Variants in MICAL3 observed in about 807,000 individuals in gnomAD.
MICAL3 encodes [F-actin]-monooxygenase MICAL3.
A neutral mutation model predicts 207.4 loss-of-function variants in MICAL3; 62 were observed. That is an observed-to-expected ratio of 0.30 (90% CI 0.24 to 0.37). The LOEUF is 0.37. Ranked by LOEUF, MICAL3 falls within the 10% of genes least tolerant of loss-of-function variation. The pLI, the probability that MICAL3 is intolerant of heterozygous loss-of-function variation, is 1.00. For synonymous variants in MICAL3, 1,077 were observed against 1,069.3 expected (o/e 1.01, Z -0.14); for missense variants, 2,368 against 2,635.6 (o/e 0.90, Z 2.22).
At chr22:17,878,453 G>A (rs578098781) in intron 16 of MICAL3, among the ~76,000 whole-genome samples, 1 of 151,266 alleles carries the variant, frequency 6.6e-6, no homozygotes, top group African/African-American at 2.4e-5. Context: ...CACACACATT[G>A]CCCGCTGCTA....
At chr22:18,006,914 T>G (rs1433460646) in intron 1 of MICAL3, among the ~76,000 whole-genome samples, 2 of 152,238 alleles carry the variant, frequency 1.3e-5, no homozygotes, top group Admixed American at 1.3e-4. Context: ...TGGAGTGCAG[T>G]GGTGCAATCT....
At chr22:18,002,000 C>T (rs1367994890) in intron 1 of MICAL3, among the ~76,000 whole-genome samples, 4 of 151,484 alleles carry the variant, frequency 2.6e-5, no homozygotes, top group African/African-American at 9.7e-5. Context: ...GAGTTCAAGA[C>T]CAGCCGGGCC....
intron 1 of MICAL3, among the ~76,000 whole-genome samples, chr22:17,979,462 T>C (rs1245187615): frequency 6.6e-6 from 1 of 152,126 alleles, no homozygotes. Context: ...GGAGAATCAC[T>C]TGAACCCAGG....
intron 1 of MICAL3, among the ~76,000 whole-genome samples, chr22:17,938,019 G>A (rs940508747): frequency 1.3e-5 from 2 of 152,082 alleles, no homozygotes; most frequent in Non-Finnish European, 2.9e-5. Flanking sequence ...GAGGTCTGTC[G>A]GCCGTGTCTT....
At chr22:17,833,455 G>A (rs146450934) in intron 20 of MICAL3, among the ~76,000 whole-genome samples, 24 of 152,334 alleles carry the variant, frequency 1.6e-4, no homozygotes, top group African/African-American at 5.5e-4. Context: ...GCCCAGGCAG[G>A]CTCTCCCCTA....
intron 1 of MICAL3, chr22:17,980,774 C>A (rs553460925): frequency 4.3e-6 from 2 of 465,968 alleles, no homozygotes; most frequent in East Asian, 1.2e-4. Context: ...CTTATCATTC[C>A]GCGGCAGCAA....
intron 1 of MICAL3, among the ~76,000 whole-genome samples, chr22:18,021,136 C>G (rs1410531668): frequency 6.6e-6 from 1 of 152,214 alleles, no homozygotes; most frequent in African/African-American, 2.4e-5. Context: ...GCTGGATCAA[C>G]TGGACATTTT....
At chr22:17,920,560 G>GC (rs1342816291) in intron 1 of MICAL3, among the ~76,000 whole-genome samples, 3 of 152,070 alleles carry the variant, frequency 2.0e-5, no homozygotes, top group African/African-American at 7.2e-5. Context: ...TCCTGCTTCT[G>GC]CCCACTCTCC....
chr22:17,825,863 T>C (rs1194347274), intron 22 of MICAL3, among the ~76,000 whole-genome samples: 2 of 152,120 alleles, frequency 1.3e-5, no homozygotes, highest in Non-Finnish European at 2.9e-5. Context: ...TCCAGAAACA[T>C]GTAGGAAGGA....
Position 17,816,758 on chromosome 22 carries a change from A to T in MICAL3, c.5377T>A (p.Phe1793Ile). The T allele has an allele frequency of 6.4e-7, 1 of 1,551,402 alleles. No individual in the cohort carries two copies. Among genetic ancestry groups the T allele is most frequent in the Non-Finnish European group, 8.7e-7 (1 of 1,147,288 alleles). ...AELQLRRQLS[F>I]SEDSDLSSDD... The stretch of plus-strand genomic sequence containing the variant: ...CTGGAGAGGTCTGAGTCCTCGGAGA[A>T]GCTCAGCTGGCGCCGGAGCTGCAGC... Residue 1793 changes from phenylalanine (F) to isoleucine (I), a missense_variant, in exon 27 of 32, where the codon TTC (phenylalanine) becomes ATC (isoleucine). Around this residue, in one of 4 missense-constraint regions of MICAL3, gnomAD observed 1,770 missense variants for 1,863.2 expected, o/e 0.95. Transcript: ENST00000441493.
At chr22:17,847,612 G>T (rs1195906942) in intron 19 of MICAL3, among the ~76,000 whole-genome samples, 2 of 152,042 alleles carry the variant, frequency 1.3e-5, no homozygotes, top group Non-Finnish European at 2.9e-5. Flanking sequence ...GAGATAAAAG[G>T]GGCCGACCGT....
intron 1 of MICAL3, among the ~76,000 whole-genome samples, chr22:17,919,076 G>GT (rs35096617): frequency 0.015 from 2,005 of 136,452 alleles, 33 homozygotes; most frequent in Middle Eastern, 0.024. Flanking sequence ...GTTTTTGTGG[G>GT]TTTTTTTTTT....
chr22:17,918,890 G>C (rs1051731445), intron 1 of MICAL3, among the ~76,000 whole-genome samples: 36 of 152,208 alleles, frequency 2.4e-4, no homozygotes, highest in African/African-American at 8.2e-4. Context: ...GCAGTGAACA[G>C]AGAAAACAAG....
intron 29 of MICAL3, among the ~76,000 whole-genome samples, chr22:17,797,065 G>C (rs1430198117): frequency 6.6e-6 from 1 of 152,136 alleles, no homozygotes; most frequent in Non-Finnish European, 1.5e-5. Context: ...AAGCAGATGA[G>C]CCCACACACT....
At chr22:17,929,075 G>A (rs1933083101) in intron 1 of MICAL3, among the ~76,000 whole-genome samples, 1 of 149,622 alleles carries the variant, frequency 6.7e-6, no homozygotes. Flanking sequence ...TTACAAGCAT[G>A]AGCCACGGTG....
chr22:17,982,431 C>T (rs1465154840), intron 1 of MICAL3, among the ~76,000 whole-genome samples: 2 of 152,218 alleles, frequency 1.3e-5, no homozygotes, highest in African/African-American at 4.8e-5. Context: ...AATCCCAGCA[C>T]TTTGGGAGAG....
intron 1 of MICAL3, among the ~76,000 whole-genome samples, chr22:17,918,030 G>A (rs1365838569): frequency 6.6e-6 from 1 of 152,214 alleles, no homozygotes; most frequent in African/African-American, 2.4e-5. Flanking sequence ...TGTCCTCAAG[G>A]ACAATCAGGA....
At chr22:17,885,062 C>T (rs931208925) in intron 16 of MICAL3, among the ~76,000 whole-genome samples, 4 of 152,172 alleles carry the variant, frequency 2.6e-5, no homozygotes, top group Non-Finnish European at 4.4e-5. Flanking sequence ...ATCCCAGCCC[C>T]GCCTCTTGTA....
intron 1 of MICAL3, among the ~76,000 whole-genome samples, chr22:17,922,094 C>T (rs1046485026): frequency 1.3e-5 from 2 of 151,630 alleles, no homozygotes; most frequent in Non-Finnish European, 2.9e-5. Context: ...AAAGCGACCC[C>T]GCCCACCCCA....
Sources: allele counts gnomAD v4.1 joint callset (sites outside exome capture counted in the v4.1 genomes callset), GRCh38; gene constraint gnomAD v4.1.1; regional missense constraint gnomAD v4.1.1; transcripts MANE v1.5; gene names NCBI Gene and HGNC (gene_info 2026-07-23, HGNC 2026-07-21).